ZNF462: variants seen among roughly 807,000 people sequenced by gnomAD.
ZNF462 encodes zinc finger protein 462, also known as zinc finger PBX1-interacting protein.
A neutral mutation model predicts 201.9 loss-of-function variants in ZNF462; 10 were observed. The observed-to-expected ratio is 0.05, with a 90% CI of 0.03 to 0.08. The LOEUF (loss-of-function observed/expected upper bound fraction) is 0.08. Ranked by LOEUF, ZNF462 falls within the 10% of genes least tolerant of loss-of-function variation. ZNF462 has a pLI of 1.00. For synonymous variants in ZNF462, 1,227 were observed against 1,193.3 expected (o/e 1.03, Z -0.58); for missense variants, 2,523 against 3,168.3 (o/e 0.80, Z 4.89).
chr9:106,876,322 T>TA lies in ZNF462; in HGVS notation c.-31+12968dup, dbSNP rs1268006439. ...TAATGGCCAGGAAGGAAGAAAGTGATAGTTTCTTCCTTCCTCACTGATAGA... is the reference window on the plus strand; with the variant it reads ...TAATGGCCAGGAAGGAAGAAAGTGATAAGTTTCTTCCTTCCTCACTGATAGA... On this transcript the variant is annotated intron_variant, in intron 1 of 12. Transcript: ENST00000277225. The surrounding 1 kb of genome is among the most constrained non-coding windows in gnomAD (Gnocchi z 4.9). 6.6e-6 allele frequency among the ~76,000 whole-genome samples: 1 copy of TA among 152,236 alleles called. No homozygotes were observed. The highest frequency in any genetic ancestry group is 2.4e-5 in the African/African-American group (1 of 41,452).
chr9:107,002,162 C>G (rs2132627882), intron 10 of ZNF462, among the ~76,000 whole-genome samples: 1 of 152,216 alleles, frequency 6.6e-6, no homozygotes, highest in East Asian at 1.9e-4. Context: ...CTCCTGTGTC[C>G]TCATCATCTA....
rs1473651212 is a variant in ZNF462 at position 106,928,096 on chromosome 9, C to T, written c.4184C>T (p.Ala1395Val). ...CACTACCAAGCATTCCACCCCTGGG[C>T]CATGAATGGTGATGAGTCAGTGCTA... The part of the protein sequence containing the change: ...TNHYQAFHPW[A>V]MNGDESVLLD... The change falls in exon 3 of 13, where the codon GCC becomes GTC. Residue 1395 changes from alanine (A) to valine (V), a missense_variant. Ala to Val is a moderately conservative substitution (Grantham distance 64, BLOSUM62 0). This residue lies in a region of ZNF462 where 165 missense variants were observed against 142.6 expected (regional missense o/e 1.16). Transcript: ENST00000277225. The surrounding 1 kb of genome is among the most constrained non-coding windows in gnomAD (Gnocchi z 9.3). 9.3e-6 allele frequency: 15 copies of T among 1,614,176 alleles called. No homozygotes were observed. The East Asian group carries it at 2.0e-4, about 22-fold the overall frequency.
Position 106,974,230 on chromosome 9 carries a change from C to G in ZNF462, c.6789C>G (p.Thr2263=). The G allele has an allele frequency of 1.2e-6, 2 of 1,614,148 alleles. No individual in the cohort carries two copies. The highest frequency in any genetic ancestry group is 1.7e-6 in the Non-Finnish European group (2 of 1,180,034). The stretch of plus-strand genomic sequence containing the variant: ...GCTGTCCTCTCTGCCTCTATCACAC[C>G]AAATACAAGCGCAACATGATTGACC... ...DLRCPLCLYH[T]KYKRNMIDHI... The change falls in exon 9 of 13, where the codon ACC becomes ACG. Residue 2263 remains threonine, a synonymous_variant. Transcript: ENST00000277225. The surrounding 1 kb of genome is among the most constrained non-coding windows in gnomAD (Gnocchi z 4.0).
In ZNF462 at chr9:106,932,997, A is replaced by T. The variant is rs951357113; in HGVS notation, c.6116+448A>T. On this transcript the variant is annotated intron_variant, in intron 5 of 12. Coordinates refer to ENST00000277225, the MANE Select transcript of ZNF462 (RefSeq NM_021224.6). The surrounding 1 kb of genome is among the most constrained non-coding windows in gnomAD (Gnocchi z 6.8). The stretch of plus-strand genomic sequence containing the variant: ...AATTTTTCAAAAGATCTTGAAAGGT[A>T]AAGAAGTTCATGGATGCCAAAGAGT... Among the ~76,000 whole-genome samples the T allele has an allele frequency of 2.0e-5, 3 of 152,228 alleles. No individual in the cohort carries two copies. The highest frequency in any genetic ancestry group is 4.4e-5 in the Non-Finnish European group (3 of 68,048).
Position 106,925,325 on chromosome 9 carries a change from A to G in ZNF462, c.1413A>G (p.Lys471=), listed in dbSNP as rs756339614. The G allele has an allele frequency of 2.0e-5, 33 of 1,614,068 alleles. No homozygotes were observed. The highest frequency in any genetic ancestry group is 2.8e-5 in the Non-Finnish European group (33 of 1,180,044). The change falls in exon 3 of 13, where the codon AAA becomes AAG. Residue 471 remains lysine, a synonymous_variant. Transcript: ENST00000277225. The surrounding 1 kb of genome is among the most constrained non-coding windows in gnomAD (Gnocchi z 7.9). ...TATCTGGAAAGACAGCTGTCTACAA[A>G]TGTGACGAATGTCCGTTTACTTGCA... is the stretch of plus-strand genomic sequence containing the variant. The part of the protein sequence containing the change: ...IHLSGKTAVY[K]CDECPFTCKS...
intron 6 of ZNF462, among the ~76,000 whole-genome samples, chr9:106,936,163 T>C (rs1014881305): frequency 1.3e-5 from 2 of 152,164 alleles, no homozygotes; most frequent in Non-Finnish European, 2.9e-5. Context: ...CATTACTCAT[T>C]AGAAAAAATT....
chr9:106,905,985 C>T lies in ZNF462; in HGVS notation c.-30-17369C>T, dbSNP rs186679771. 2.0e-4 allele frequency among the ~76,000 whole-genome samples: 30 copies of T among 152,326 alleles called. No homozygotes were observed. The highest frequency in any genetic ancestry group is 1.8e-3 in the Admixed American group (28 of 15,304). On this transcript the variant is annotated intron_variant, in intron 1 of 12. Transcript: ENST00000277225. This position sits in a 1 kb window ranked among gnomAD's most constrained non-coding sequence, Gnocchi z 5.9. ...TCTCCCTGTGGAGTTTTACCCCCTG[C>T]TCCTCTGGCCACCCTCCCAATGGAT...
intron 1 of ZNF462, among the ~76,000 whole-genome samples, chr9:106,864,595 G>A (rs1264668370): frequency 6.6e-6 from 1 of 152,122 alleles, no homozygotes; most frequent in Non-Finnish European, 1.5e-5. Context: ...CATTCCTGAA[G>A]GAACCCTCGT....
In ZNF462 at chr9:106,924,359, T is replaced by C. The variant is rs1198990611; in HGVS notation, c.447T>C (p.Asn149=). The C allele has an allele frequency of 6.2e-7, 1 of 1,614,040 alleles. No individual in the cohort carries two copies. The highest frequency in any genetic ancestry group is 8.5e-7 in the Non-Finnish European group (1 of 1,180,056). ...GACCCCCTGTCCCGGGATCCTTAAA[T>C]TATAATATCATGATGCACGAGGGAT... ...SSGPPVPGSL[N]YNIMMHEGFG... The change falls in exon 3 of 13, where the codon AAT becomes AAC. Residue 149 remains asparagine, a synonymous_variant. Coordinates refer to ENST00000277225, the MANE Select transcript of ZNF462 (RefSeq NM_021224.6). The surrounding 1 kb of genome is among the most constrained non-coding windows in gnomAD (Gnocchi z 6.2).
At position 106,920,451 on chromosome 9, in the gene ZNF462, G is replaced by A. The variant is rs1564098537; in HGVS notation, c.-30-2903G>A. On this transcript the variant is annotated intron_variant, in intron 1 of 12. Transcript: ENST00000277225. The surrounding 1 kb of genome is among the most constrained non-coding windows in gnomAD (Gnocchi z 4.3). Reference sequence around the variant, plus strand: ...GGCTACATCCTCCTTTCAGTACTTGGTGCAGACATGAAATTGAAGGCCATT... The same window carrying A: ...GGCTACATCCTCCTTTCAGTACTTGATGCAGACATGAAATTGAAGGCCATT... Among the ~76,000 whole-genome samples, 1 of 152,166 alleles carries A rather than the reference G, an allele frequency of 6.6e-6. No homozygotes were observed. The highest frequency in any genetic ancestry group is 2.4e-5 in the African/African-American group (1 of 41,412).
At chr9:106,995,004 T>A (rs1281171968) in intron 10 of ZNF462, among the ~76,000 whole-genome samples, 2 of 152,152 alleles carry the variant, frequency 1.3e-5, no homozygotes, top group East Asian at 3.9e-4. Flanking sequence ...TTTTCAAATA[T>A]GAAATTTTAA....
chr9:106,910,088 T>A (rs1564091574), intron 1 of ZNF462, among the ~76,000 whole-genome samples: 1 of 152,156 alleles, frequency 6.6e-6, no homozygotes, highest in Non-Finnish European at 1.5e-5. Context: ...ATCATCAACA[T>A]TGTTTTTGAT....
At chr9:106,957,824 G>A (rs1162355642) in intron 7 of ZNF462, among the ~76,000 whole-genome samples, 1 of 152,118 alleles carries the variant, frequency 6.6e-6, no homozygotes, top group Non-Finnish European at 1.5e-5. Context: ...AAGGGTGGCT[G>A]ATGATTACAC....
chr9:106,915,626 T>A (rs1829740878), intron 1 of ZNF462, among the ~76,000 whole-genome samples: 1 of 152,144 alleles, frequency 6.6e-6, no homozygotes, highest in African/African-American at 2.4e-5. Flanking sequence ...ATGGGCCAGT[T>A]GGTTAGTTTG....
intron 9 of ZNF462, among the ~76,000 whole-genome samples, chr9:106,983,890 T>C (rs1172896044): frequency 1.3e-5 from 2 of 152,170 alleles, no homozygotes; most frequent in East Asian, 3.8e-4. Context: ...CCCCTTGCCT[T>C]AATCACCTCC....
chr9:106,988,579 A>T (rs575303799), intron 10 of ZNF462, among the ~76,000 whole-genome samples: 1 of 152,220 alleles, frequency 6.6e-6, no homozygotes, highest in East Asian at 1.9e-4. Flanking sequence ...GTGAAGCATG[A>T]TGGTGGTATT....
At chr9:106,955,970 G>T (rs749177313) in intron 7 of ZNF462, among the ~76,000 whole-genome samples, 10 of 151,972 alleles carry the variant, frequency 6.6e-5, no homozygotes, top group Non-Finnish European at 1.0e-4. Flanking sequence ...ACCCCTCAAA[G>T]TCATCCATGA....
rs1380897930 is a variant in ZNF462 at position 106,935,965 on chromosome 9, T to A, written c.6235+344T>A. ...CAATTGCCAAGAATTGTTATATCTA[T>A]TAAAAAGACTTTCCAGCTAAAATAA... On this transcript the variant is annotated intron_variant, in intron 6 of 12. Coordinates refer to ENST00000277225, the MANE Select transcript of ZNF462 (RefSeq NM_021224.6). The surrounding 1 kb of genome is among the most constrained non-coding windows in gnomAD (Gnocchi z 4.1). Among the ~76,000 whole-genome samples the A allele has an allele frequency of 6.6e-6, 1 of 152,154 alleles. No homozygotes were observed. The highest frequency in any genetic ancestry group is 1.5e-5 in the Non-Finnish European group (1 of 68,032).
At position 107,010,058 on chromosome 9, in the gene ZNF462, A is replaced by G. The variant is rs1829835857; in HGVS notation, c.7313+390A>G. The stretch of plus-strand genomic sequence containing the variant: ...ACTGATCATTCCCTGAGTGGCCCTG[A>G]ACATTCCCATGTACTGCCTCGGGGA... On this transcript the variant is annotated intron_variant, in intron 12 of 12. Transcript: ENST00000277225. The surrounding 1 kb of genome is among the most constrained non-coding windows in gnomAD (Gnocchi z 4.6). 6.6e-6 allele frequency among the ~76,000 whole-genome samples: 1 copy of G among 152,118 alleles called. No individual in the cohort carries two copies. Among genetic ancestry groups the G allele is most frequent in the African/African-American group, 2.4e-5 (1 of 41,416 alleles).
Sources: allele counts gnomAD v4.1 joint callset (sites outside exome capture counted in the v4.1 genomes callset), GRCh38; gene constraint gnomAD v4.1.1; regional missense constraint gnomAD v4.1.1; non-coding constraint Gnocchi (gnomAD v3.1); transcripts MANE v1.5; gene names NCBI Gene and HGNC (gene_info 2026-07-23, HGNC 2026-07-21).